FRMD5: variants seen among roughly 807,000 people sequenced by gnomAD.
FRMD5 encodes FERM domain containing 5.
In FRMD5, 20 loss-of-function variants were observed where a neutral mutation model predicts 69.0. The observed-to-expected ratio is 0.29, with a 90% CI of 0.20 to 0.42. The LOEUF (loss-of-function observed/expected upper bound fraction) is 0.42. Among genes scored for constraint, FRMD5 ranks in the 10% least tolerant of loss-of-function variants. FRMD5 has a pLI of 1.00. For synonymous variants in FRMD5, 271 were observed against 260.1 expected (o/e 1.04, Z -0.40); for missense variants, 595 against 708.6 (o/e 0.84, Z 1.82).
intron 1 of FRMD5, among the ~76,000 whole-genome samples, chr15:43,941,758 G>C (rs946068904): frequency 3.3e-5 from 5 of 152,296 alleles, no homozygotes; most frequent in South Asian, 4.1e-4. Flanking sequence ...CTAAGGGCGG[G>C]GGGGCGTTGC....
At chr15:44,163,173 C>CA (rs1348090693) in intron 1 of FRMD5, among the ~76,000 whole-genome samples, 3 of 150,180 alleles carry the variant, frequency 2.0e-5, no homozygotes. Flanking sequence ...GACTCCGTCT[C>CA]AAAAAAACAA....
intron 1 of FRMD5, among the ~76,000 whole-genome samples, chr15:44,027,639 G>GTTTTTTTTTTTT: frequency 3.7e-5 from 1 of 27,050 alleles, no homozygotes; most frequent in Non-Finnish European, 1.8e-4. Context: ...TTCTTTTCTA[G>GTTTTTTTTTTTT]TTTTTTTTTT....
At chr15:44,071,525 T>C (rs1311536426) in intron 1 of FRMD5, among the ~76,000 whole-genome samples, 1 of 152,214 alleles carries the variant, frequency 6.6e-6, no homozygotes, top group Non-Finnish European at 1.5e-5. Flanking sequence ...CTTAATACAA[T>C]TTAGTTTAAG....
intron 1 of FRMD5, among the ~76,000 whole-genome samples, chr15:44,036,788 C>G (rs1324670493): frequency 6.6e-6 from 1 of 152,154 alleles, no homozygotes; most frequent in Admixed American, 6.5e-5. Context: ...CATCGGCCTT[C>G]AGTACAGTGG....
rs757817954 is a variant in FRMD5 at position 43,874,012 on chromosome 15, A to G, written c.1586T>C (p.Ile529Thr). The part of the protein sequence containing the change: ...LIILTESDLD[I>T]AFFRDIRQTP... Reference sequence around the variant, plus strand: ...CTGGCGGATATCACGGAAAAAGGCAATGTCAAGGTCAGACTCGGTAAGGAT... The same window carrying G: ...CTGGCGGATATCACGGAAAAAGGCAGTGTCAAGGTCAGACTCGGTAAGGAT... The change falls in exon 14 of 14, where the codon ATT (isoleucine) becomes ACT (threonine). Residue 529 changes from isoleucine (I) to threonine (T), a missense_variant. Around this residue, in one of 5 missense-constraint regions of FRMD5, gnomAD observed 245 missense variants for 227.1 expected, o/e 1.08. Transcript: ENST00000417257. 16 of 1,614,202 alleles carry G rather than the reference A, an allele frequency of 9.9e-6. No homozygotes were observed. The Admixed American group carries it at 1.0e-4, about 10-fold the overall frequency.
chr15:43,904,968 G>C (rs1184481095), intron 6 of FRMD5, among the ~76,000 whole-genome samples: 2 of 152,056 alleles, frequency 1.3e-5, no homozygotes, highest in African/African-American at 2.4e-5. Context: ...GGGGGCCTGA[G>C]TCAGGCGGGG....
intron 1 of FRMD5, among the ~76,000 whole-genome samples, chr15:44,021,572 C>A (rs1891209187): frequency 6.6e-6 from 1 of 152,110 alleles, no homozygotes; most frequent in Non-Finnish European, 1.5e-5. Flanking sequence ...CATTACCAAT[C>A]ATTAGGGAAA....
At chr15:43,931,830 G>C (rs535505807) in intron 1 of FRMD5, among the ~76,000 whole-genome samples, 20 of 152,304 alleles carry the variant, frequency 1.3e-4, no homozygotes, top group Admixed American at 9.8e-4. Context: ...TGAGTCCTGA[G>C]TGCAGTCTGG....
At chr15:44,126,622 A>G (rs1765026043) in intron 1 of FRMD5, among the ~76,000 whole-genome samples, 1 of 152,060 alleles carries the variant, frequency 6.6e-6, no homozygotes, top group African/African-American at 2.4e-5. Flanking sequence ...TCACATTCTT[A>G]TTGCCACACT....
chr15:43,999,065 C>A (rs1010559437), intron 1 of FRMD5, among the ~76,000 whole-genome samples: 8 of 152,092 alleles, frequency 5.3e-5, no homozygotes, highest in African/African-American at 1.9e-4. Context: ...TCACAAGTTG[C>A]TTTCATTTTT....
chr15:44,196,650 C>T (rs905160803), upstream of FRMD5, among the ~76,000 whole-genome samples: 37 of 148,732 alleles, frequency 2.5e-4, no homozygotes, highest in African/African-American at 7.7e-4. Flanking sequence ...TTAAAGTATG[C>T]TTCTTCCCTA....
chr15:44,121,394 A>C (rs1281897377), intron 1 of FRMD5, among the ~76,000 whole-genome samples: 3 of 152,112 alleles, frequency 2.0e-5, no homozygotes, highest in Non-Finnish European at 4.4e-5. Context: ...GAATAGAATT[A>C]AAGGATTTTT....
intron 1 of FRMD5, among the ~76,000 whole-genome samples, chr15:44,125,149 A>C (rs1314511446): frequency 1.3e-5 from 2 of 152,192 alleles, no homozygotes; most frequent in Non-Finnish European, 2.9e-5. Flanking sequence ...CTAGGAAAGA[A>C]TAACTAGCTG....
At chr15:43,972,139 G>C (rs1339049293) in intron 1 of FRMD5, among the ~76,000 whole-genome samples, 1 of 150,370 alleles carries the variant, frequency 6.7e-6, no homozygotes, top group Non-Finnish European at 1.5e-5. Context: ...TCCAAAGAAA[G>C]ATACAACAGG....
intron 1 of FRMD5, chr15:43,989,251 C>T: frequency 3.8e-6 from 3 of 793,272 alleles, no homozygotes; most frequent in East Asian, 2.4e-5. Flanking sequence ...CTTCTGCATC[C>T]TATCGGCGAT....
rs1430464917 is a variant in FRMD5, at chr15:44,107,981, A to T, written c.102+86972T>A. ...GCAATTGGTTTGGATTTTGTTAAGT[A>T]GTCATGTGCACTGAGGTCAAAAGCT... On this transcript the variant is annotated intron_variant, in intron 1 of 13. Coordinates refer to ENST00000417257, the MANE Select transcript of FRMD5 (RefSeq NM_032892.5). Among the ~76,000 whole-genome samples the T allele has an allele frequency of 2.0e-5, 3 of 152,194 alleles. No individual in the cohort carries two copies. The East Asian group carries it at 5.8e-4, about 29-fold the overall frequency.
At chr15:44,019,801 AG>A (rs1265348683) in intron 1 of FRMD5, among the ~76,000 whole-genome samples, 11 of 151,502 alleles carry the variant, frequency 7.3e-5, no homozygotes, top group African/African-American at 2.7e-4. Flanking sequence ...AAGAAAAAAA[AG>A]AACAAGCACT....
chr15:44,033,265 G>C (rs936327899), intron 1 of FRMD5, among the ~76,000 whole-genome samples: 2 of 152,060 alleles, frequency 1.3e-5, no homozygotes, highest in African/African-American at 4.8e-5. Context: ...AGGAGAGAAA[G>C]GAGCAGAAAA....
chr15:43,944,927 C>T (rs1484570744), intron 1 of FRMD5, among the ~76,000 whole-genome samples: 1 of 151,286 alleles, frequency 6.6e-6, no homozygotes, highest in African/African-American at 2.4e-5. Flanking sequence ...TTGATAGAAA[C>T]TGTGGGTTTC....
Sources: gnomAD v4.1 joint callset for allele counts (sites outside exome capture counted in the v4.1 genomes callset) on GRCh38, gnomAD v4.1.1 for gene constraint, gnomAD v4.1.1 regional missense constraint, MANE v1.5 for transcripts, NCBI Gene and HGNC (gene_info 2026-07-23, HGNC 2026-07-21) for gene names.